OCA2: variants seen among roughly 807,000 people sequenced by gnomAD.
OCA2 encodes P protein.
A neutral mutation model predicts 100.2 loss-of-function variants in OCA2; 77 were observed. The ratio of observed to expected loss-of-function variants is 0.77; its 90% CI spans 0.64 to 0.93. The LOEUF is 0.93. Ranked by LOEUF, OCA2 falls within the 40% of genes least tolerant of loss-of-function variation. The probability of loss-of-function intolerance (pLI) is 0.00; values close to 1 mark genes in which losing one functional copy is unlikely to be tolerated. For synonymous variants in OCA2, 432 were observed against 439.2 expected, an observed-to-expected ratio of 0.98 and a Z score of 0.21; for missense variants, 1,062 against 1,089.1, an observed-to-expected ratio of 0.98 and a Z score of 0.35.
the OCA2 span, among the ~76,000 whole-genome samples, chr15:27,740,421 G>A: frequency 6.6e-6 from 1 of 152,086 alleles, no homozygotes; most frequent in African/African-American, 2.4e-5. Flanking sequence ...ATCGCCCCTG[G>A]GAGGGTCAGG....
intron 22 of OCA2, among the ~76,000 whole-genome samples, chr15:27,850,829 C>CT (rs1356174775): frequency 1.3e-5 from 2 of 152,180 alleles, no homozygotes; most frequent in Non-Finnish European, 2.9e-5. Context: ...GTGAGAAGGA[C>CT]TCCCCCGCTG....
At chr15:28,024,180 C>T (rs2042678118) in intron 5 of OCA2, among the ~76,000 whole-genome samples, 1 of 152,164 alleles carries the variant, frequency 6.6e-6, no homozygotes, top group South Asian at 2.1e-4. Context: ...CTTGATGGGT[C>T]CATCTGCTAG....
chr15:28,061,532 GA>G lies in OCA2; in HGVS notation c.227+20115del, dbSNP rs909099733. On this transcript the variant is annotated intron_variant, in intron 2 of 23. Transcript: ENST00000354638. ...AAAGACATGTATGGTCCATACACAA[GA>G]AAAAAAAATGGTAAATAGGATGGAG... Among the ~76,000 whole-genome samples the G allele has an allele frequency of 2.0e-4, 30 of 150,716 alleles. No homozygotes were observed. In the East Asian group the frequency reaches 4.1e-3, roughly 21 times the overall value.
chr15:28,014,731 T>A, intron 9 of OCA2, 45 bp downstream of exon 9: 2 of 1,602,246 alleles, frequency 1.2e-6, no homozygotes, highest in Non-Finnish European at 1.7e-6. Flanking sequence ...CAAGCCTCCC[T>A]GACTGTGGGC....
At chr15:27,836,149 G>A (rs1040879715) in intron 23 of OCA2, among the ~76,000 whole-genome samples, 1 of 152,128 alleles carries the variant, frequency 6.6e-6, no homozygotes, top group Non-Finnish European at 1.5e-5. Flanking sequence ...TGATTAGAAG[G>A]GTTCAATATA....
chr15:27,872,882 G>T (rs1362566062), intron 19 of OCA2, among the ~76,000 whole-genome samples: 1 of 152,080 alleles, frequency 6.6e-6, no homozygotes, highest in Non-Finnish European at 1.5e-5. Context: ...TAGAGATGGG[G>T]CTTCGCCATG....
chr15:27,733,912 A>C, the OCA2 span, among the ~76,000 whole-genome samples: 1 of 151,986 alleles, frequency 6.6e-6, no homozygotes, highest in Non-Finnish European at 1.5e-5. Flanking sequence ...CTGTAATCCC[A>C]GCACTTTGAG....
At chr15:27,889,045 C>T (rs770163967) in intron 19 of OCA2, among the ~76,000 whole-genome samples, 3 of 152,072 alleles carry the variant, frequency 2.0e-5, no homozygotes, top group Admixed American at 6.6e-5. Context: ...TCCTAGAAGG[C>T]GTCATGTCTG....
intron 19 of OCA2, among the ~76,000 whole-genome samples, chr15:27,916,639 T>A (rs560949025): frequency 6.6e-6 from 1 of 152,326 alleles, no homozygotes; most frequent in South Asian, 2.1e-4. Context: ...TCAAAATTGA[T>A]CTTGAATTTC....
rs191358192 is a variant in OCA2, at chr15:28,065,094, A to C, written c.227+16554T>G. 1.2e-3 allele frequency among the ~76,000 whole-genome samples: 177 copies of C among 152,278 alleles called. 1 individual carries two copies. The highest frequency in any genetic ancestry group is 4.1e-3 in the African/African-American group (169 of 41,566). On this transcript the variant is annotated intron_variant, in intron 2 of 23. Transcript: ENST00000354638. ...TACAAGCAAACCAGAAAAAGAGAAA[A>C]CACAAAACCAAAGAAGCAAACACCT...
intron 18 of OCA2, among the ~76,000 whole-genome samples, chr15:27,939,583 T>C (rs564462220): frequency 6.6e-4 from 100 of 152,344 alleles, no homozygotes; most frequent in African/African-American, 2.3e-3. Flanking sequence ...CAAGAATAAC[T>C]AAGCATAAAG....
At position 27,845,017 on chromosome 15, in the gene OCA2, C is replaced by T. The variant is rs768651740; in HGVS notation, c.2374G>A (p.Val792Met). The T allele has an allele frequency of 1.6e-5, 26 of 1,613,990 alleles. No individual in the cohort carries two copies. The highest frequency in any genetic ancestry group is 2.2e-5 in the East Asian group (1 of 44,870). The change falls in exon 23 of 24, where the codon GTG (valine) becomes ATG (methionine). Residue 792 changes from valine (V) to methionine (M), a missense_variant. Transcript: ENST00000354638. ...GTLIGASANVVCAGIAEQHGY... is the reference protein window; with the variant it reads ...GTLIGASANVMCAGIAEQHGY... ...TGCTGTTCTGCAATCCCTGCACACA[C>T]GACGTTTGCCGACGCGCCAATCAGT...
intron 23 of OCA2, among the ~76,000 whole-genome samples, chr15:27,825,169 C>A (rs1208131924): frequency 6.6e-6 from 1 of 152,164 alleles, no homozygotes. Flanking sequence ...TCTCCAAGGA[C>A]AGCCGGCCTC....
chr15:27,951,765 A>G lies in OCA2; in HGVS notation c.1951+19T>C, dbSNP rs377242983. 32 of 1,518,406 alleles carry G rather than the reference A, an allele frequency of 2.1e-5. No homozygotes were observed. The highest frequency in any genetic ancestry group is 2.9e-5 in the Non-Finnish European group (32 of 1,093,022). The allele number at this position is 1,518,406 out of a possible 1,614,324, so 94.1% of individuals were successfully genotyped here. ...CAGAATGTGACAAAGCCTATGAACC[A>G]AAGCTAAATTAGACTCACCAAGATC... is the stretch of plus-strand genomic sequence containing the variant. On this transcript the variant is annotated intron_variant, in intron 18 of 23. Coordinates refer to ENST00000354638, the MANE Select transcript of OCA2 (RefSeq NM_000275.3).
chr15:27,823,967 A>G (rs1189918640), intron 23 of OCA2, among the ~76,000 whole-genome samples: 1 of 152,222 alleles, frequency 6.6e-6, no homozygotes, highest in African/African-American at 2.4e-5. Context: ...AGCAATCTAC[A>G]CACACTTCTC....
chr15:27,996,737 A>C (rs2041739877), intron 9 of OCA2, among the ~76,000 whole-genome samples: 1 of 152,100 alleles, frequency 6.6e-6, no homozygotes, highest in African/African-American at 2.4e-5. Flanking sequence ...ACCAAGACTG[A>C]ATCAAGAAAA....
intron 1 of OCA2, among the ~76,000 whole-genome samples, chr15:28,098,562 G>A (rs977050504): frequency 2.0e-5 from 3 of 152,046 alleles, no homozygotes; most frequent in African/African-American, 7.3e-5. Flanking sequence ...TCCTCAAAGT[G>A]CACTGCACAT....
chr15:28,084,858 C>A (rs936577924), intron 1 of OCA2, among the ~76,000 whole-genome samples: 1 of 152,238 alleles, frequency 6.6e-6, no homozygotes, highest in South Asian at 2.1e-4. Context: ...GTTGGCTTGC[C>A]TTTTCAGGCA....
chr15:27,842,903 T>C (rs2035393903), intron 23 of OCA2, among the ~76,000 whole-genome samples: 2 of 152,190 alleles, frequency 1.3e-5, no homozygotes, highest in Non-Finnish European at 1.5e-5. Context: ...AGTGCCCACA[T>C]GCATCACCCA....
Sources: allele counts gnomAD v4.1 joint callset (sites outside exome capture counted in the v4.1 genomes callset), GRCh38; gene constraint gnomAD v4.1.1; transcripts MANE v1.5; gene names NCBI Gene and HGNC (gene_info 2026-07-23, HGNC 2026-07-21).